CADM2: variants seen among roughly 807,000 people sequenced by gnomAD.
CADM2 encodes the protein immunoglobulin superfamily member 4D.
A neutral mutation model predicts 49.8 loss-of-function variants in CADM2; 12 were observed. That is an observed-to-expected ratio of 0.24 (90% CI 0.15 to 0.39). The LOEUF is 0.39. Ranked by LOEUF, CADM2 falls within the 10% of genes least tolerant of loss-of-function variation. The probability of loss-of-function intolerance (pLI) is 1.00; values close to 1 mark genes in which losing one functional copy is unlikely to be tolerated. For synonymous variants in CADM2, 214 were observed against 175.4 expected (o/e 1.22, Z -1.74); for missense variants, 378 against 492.3 (o/e 0.77, Z 2.20).
rs139257494 is a variant in CADM2, at chr3:85,431,860, C to CATATGTATATATATATAT, written c.62-294658_62-294657insGTATATATATATATATAT. On this transcript the variant is annotated intron_variant, in intron 1 of 9. Coordinates refer to ENST00000383699, the MANE Select transcript of CADM2 (RefSeq NM_001167675.2). ...AACACCATGGTCTTATGCTTAATTGCATATATATATATGCCATGCTCTTTC... is the reference window on the plus strand; with the variant it reads ...AACACCATGGTCTTATGCTTAATTGCATATGTATATATATATATATATATATATATGCCATGCTCTTTC... Among the ~76,000 whole-genome samples, 51 of 51,866 alleles carry CATATGTATATATATATAT rather than the reference C, an allele frequency of 9.8e-4. 14 individuals are homozygous for CATATGTATATATATATAT. Among genetic ancestry groups the CATATGTATATATATATAT allele is most frequent in the East Asian group, 7.9e-3 (14 of 1,772 alleles). 34.0% of individuals were successfully genotyped at this position (51,866 alleles called of 152,430 possible). A position where few individuals can be genotyped will look rare whatever the true frequency, so the allele number is the denominator to read the frequency against.
chr3:85,793,950 G>A (rs1326755187), intron 2 of CADM2, among the ~76,000 whole-genome samples: 1 of 152,070 alleles, frequency 6.6e-6, no homozygotes, highest in Non-Finnish European at 1.5e-5. Context: ...GGCTTAGGTA[G>A]GGCTTATACT....
At chr3:85,376,291 C>A (rs2033590060) in intron 1 of CADM2, among the ~76,000 whole-genome samples, 1 of 152,052 alleles carries the variant, frequency 6.6e-6, no homozygotes, top group Admixed American at 6.6e-5. Context: ...TGAAGTAATA[C>A]TGCAAATTTT....
chr3:84,978,714 G>GT (rs1466018223), intron 1 of CADM2, among the ~76,000 whole-genome samples: 1 of 152,132 alleles, frequency 6.6e-6, no homozygotes, highest in Non-Finnish European at 1.5e-5. Flanking sequence ...TTCAGCATGT[G>GT]TGTTCTTTTT....
intron 1 of CADM2, among the ~76,000 whole-genome samples, chr3:85,704,728 C>G (rs1002639983): frequency 2.0e-5 from 3 of 151,812 alleles, no homozygotes; most frequent in African/African-American, 7.3e-5. Context: ...CTAAGGTATA[C>G]CTATACTTGT....
intron 2 of CADM2, among the ~76,000 whole-genome samples, chr3:85,739,418 A>G (rs1330875472): frequency 6.6e-6 from 1 of 152,092 alleles, no homozygotes; most frequent in Non-Finnish European, 1.5e-5. Flanking sequence ...TAAACAAATT[A>G]ATCAGGATCT....
intron 3 of CADM2, among the ~76,000 whole-genome samples, chr3:85,842,053 T>C (rs1321061031): frequency 6.6e-6 from 1 of 152,132 alleles, no homozygotes; most frequent in Non-Finnish European, 1.5e-5. Context: ...TTAAAAAAAT[T>C]ATTTGCTTTA....
intron 1 of CADM2, among the ~76,000 whole-genome samples, chr3:85,317,467 A>G (rs1263857681): frequency 1.3e-5 from 2 of 152,174 alleles, no homozygotes; most frequent in African/African-American, 2.4e-5. Context: ...ACAATGAAAT[A>G]CCTGACACTG....
chr3:86,055,671 A>G (rs1038516366), intron 8 of CADM2, among the ~76,000 whole-genome samples: 20 of 151,896 alleles, frequency 1.3e-4, no homozygotes, highest in Non-Finnish European at 2.2e-4. Flanking sequence ...TAATGAAGGA[A>G]TAACTCTCAC....
chr3:85,670,484 G>A (rs2065704134), intron 1 of CADM2, among the ~76,000 whole-genome samples: 1 of 152,032 alleles, frequency 6.6e-6, no homozygotes, highest in Non-Finnish European at 1.5e-5. Context: ...CTGATGGCAT[G>A]TCAGTGTCAC....
chr3:85,068,348 G>T (rs186334728), intron 1 of CADM2, among the ~76,000 whole-genome samples: 1 of 152,222 alleles, frequency 6.6e-6, no homozygotes, highest in Admixed American at 6.6e-5. Context: ...TGAAGGAACT[G>T]GGAGAGGACA....
intron 1 of CADM2, among the ~76,000 whole-genome samples, chr3:85,241,277 C>G (rs902915466): frequency 6.6e-6 from 1 of 151,172 alleles, no homozygotes; most frequent in Non-Finnish European, 1.5e-5. Context: ...AGCATTTTAG[C>G]CTAGATTATG....
chr3:85,671,504 G>A (rs971487584), intron 1 of CADM2, among the ~76,000 whole-genome samples: 7 of 152,148 alleles, frequency 4.6e-5, no homozygotes, highest in African/African-American at 1.7e-4. Context: ...GTGAATAGCT[G>A]CCAAGTGACT....
intron 1 of CADM2, among the ~76,000 whole-genome samples, chr3:85,054,543 G>T (rs2036005363): frequency 6.6e-6 from 1 of 151,840 alleles, no homozygotes; most frequent in South Asian, 2.1e-4. Flanking sequence ...GAATTATATG[G>T]CATGGATTAA....
intron 1 of CADM2, among the ~76,000 whole-genome samples, chr3:85,397,879 A>G (rs952135437): frequency 1.3e-5 from 2 of 152,204 alleles, no homozygotes; most frequent in African/African-American, 4.8e-5. Flanking sequence ...AATTTTTGTG[A>G]TTTTAAATAT....
chr3:85,670,413 A>AT (rs2065701982), intron 1 of CADM2, among the ~76,000 whole-genome samples: 1 of 152,070 alleles, frequency 6.6e-6, no homozygotes, highest in Non-Finnish European at 1.5e-5. Context: ...CCTAACCCTC[A>AT]TTTTAAAAGC....
chr3:85,271,607 T>A (rs1169818508), intron 1 of CADM2, among the ~76,000 whole-genome samples: 1 of 151,180 alleles, frequency 6.6e-6, no homozygotes, highest in Non-Finnish European at 1.5e-5. Context: ...TAACCATATC[T>A]CCTGCCTCTA....
intron 1 of CADM2, among the ~76,000 whole-genome samples, chr3:85,387,661 A>G (rs2034305469): frequency 6.6e-6 from 1 of 152,224 alleles, no homozygotes; most frequent in Non-Finnish European, 1.5e-5. Context: ...TACTAATTTC[A>G]GATTTCAGAT....
chr3:85,162,062 T>G (rs1031809165), intron 1 of CADM2, among the ~76,000 whole-genome samples: 1 of 152,054 alleles, frequency 6.6e-6, no homozygotes, highest in African/African-American at 2.4e-5. Context: ...CTTTGTCTTT[T>G]AACCGTCAGT....
At chr3:85,641,811 G>T (rs1282672771) in intron 1 of CADM2, among the ~76,000 whole-genome samples, 2 of 151,554 alleles carry the variant, frequency 1.3e-5, no homozygotes, top group African/African-American at 4.8e-5. Flanking sequence ...GGCGCCTGTA[G>T]TCCCAGCTAC....
Sources: allele counts gnomAD v4.1 joint callset (sites outside exome capture counted in the v4.1 genomes callset), GRCh38; gene constraint gnomAD v4.1.1; transcripts MANE v1.5; gene names NCBI Gene and HGNC (gene_info 2026-07-23, HGNC 2026-07-21).